Variants in MRPS6 observed in about 807,000 individuals in gnomAD.
The protein encoded by MRPS6 is mitochondrial ribosomal protein S6.
Under a neutral mutation model 13.1 loss-of-function variants are expected in MRPS6, and 6 were observed. That is an observed-to-expected ratio of 0.46 (90% CI 0.25 to 0.91). The LOEUF (loss-of-function observed/expected upper bound fraction) is 0.91. Ranked by LOEUF, MRPS6 falls within the 40% of genes least tolerant of loss-of-function variation. The pLI is 0.18. For synonymous variants in MRPS6, 61 were observed against 56.5 expected, an observed-to-expected ratio of 1.08 and a Z score of -0.36; for missense variants, 164 against 155.6, an observed-to-expected ratio of 1.05 and a Z score of -0.29.
rs748506813 is a variant in MRPS6 at position 34,096,088 on chromosome 21, G to T, written c.45+22343G>T. 4 of 1,614,064 alleles carry T rather than the reference G, an allele frequency of 2.5e-6. No individual in the cohort carries two copies. The highest frequency in any genetic ancestry group is 3.4e-6 in the Non-Finnish European group (4 of 1,179,982). ...GCCAAAAACATTGCTCATGCCAAAG[G>T]CTCTACTCTTATGGCTGGCTTCTTA... On this transcript the variant is annotated intron_variant, in intron 1 of 2. Transcript: ENST00000399312. The surrounding 1 kb of genome is among the most constrained non-coding windows in gnomAD (Gnocchi z 5.9).
chr21:34,074,329 TA>T (rs991387476), intron 1 of MRPS6, among the ~76,000 whole-genome samples: 1 of 151,740 alleles, frequency 6.6e-6, no homozygotes, highest in South Asian at 2.1e-4. Flanking sequence ...GCTCTCATGT[TA>T]AAAAAAAATC....
At chr21:34,136,427 CG>C in intron 2 of MRPS6, among the ~76,000 whole-genome samples, 1 of 152,186 alleles carries the variant, frequency 6.6e-6, no homozygotes, top group Admixed American at 6.5e-5. Flanking sequence ...GGATTACAGG[CG>C]TGAGCCACCA....
At chr21:34,111,743 C>T (rs1979707344) in intron 1 of MRPS6, among the ~76,000 whole-genome samples, 1 of 152,156 alleles carries the variant, frequency 6.6e-6, no homozygotes, top group Non-Finnish European at 1.5e-5. Context: ...AATTTGGGAT[C>T]TCACTGGCAT....
At chr21:34,132,165 T>C (rs976462752) in intron 2 of MRPS6, among the ~76,000 whole-genome samples, 1 of 152,144 alleles carries the variant, frequency 6.6e-6, no homozygotes, top group African/African-American at 2.4e-5. Flanking sequence ...GAGAGACATC[T>C]TGGTTCCCTG....
chr21:34,136,676 T>C (rs1313502153), intron 2 of MRPS6, among the ~76,000 whole-genome samples: 3 of 152,246 alleles, frequency 2.0e-5, no homozygotes, highest in Admixed American at 6.5e-5. Flanking sequence ...TTTTGAGAGT[T>C]ATTTGTATTC....
chr21:34,104,089 TG>T, intron 1 of MRPS6: 1 of 1,000,074 alleles, frequency 1.0e-6, no homozygotes, highest in Non-Finnish European at 1.2e-6. Context: ...TGATTTTTTT[TG>T]TGTACGTTTG....
chr21:34,104,136 A>G (rs1027217041), intron 1 of MRPS6: 6 of 999,618 alleles, frequency 6.0e-6, no homozygotes, highest in African/African-American at 1.7e-5. Flanking sequence ...TTTTTTTCCT[A>G]TACTTGACTG....
intron 1 of MRPS6, chr21:34,105,381 A>AC: frequency 3.0e-6 from 3 of 999,634 alleles, no homozygotes; most frequent in Non-Finnish European, 3.6e-6. Context: ...CAAGAAGAAA[A>AC]CCAATTCTTT....
chr21:34,120,978 C>A (rs1980097868), intron 1 of MRPS6, among the ~76,000 whole-genome samples: 1 of 152,116 alleles, frequency 6.6e-6, no homozygotes, highest in African/African-American at 2.4e-5. Flanking sequence ...AAGCAAGAGA[C>A]CCTCTTAAAG....
chr21:34,100,820 G>A (rs1187702523), intron 1 of MRPS6: 2 of 1,000,066 alleles, frequency 2.0e-6, no homozygotes, highest in African/African-American at 3.5e-5. Context: ...ATATCATTTG[G>A]TGTGGCCTGT....
intron 1 of MRPS6, chr21:34,095,033 C>A: frequency 2.5e-6 from 2 of 789,150 alleles, no homozygotes; most frequent in Non-Finnish European, 3.8e-6. Context: ...TTATCACAAC[C>A]ACCACCATCA....
At chr21:34,108,821 T>C (rs1487362197) in intron 1 of MRPS6, among the ~76,000 whole-genome samples, 1 of 152,204 alleles carries the variant, frequency 6.6e-6, no homozygotes. Flanking sequence ...GCCTCTGTGC[T>C]CTAAAATTTC....
chr21:34,108,525 G>C (rs534941760), intron 1 of MRPS6, among the ~76,000 whole-genome samples: 1 of 152,268 alleles, frequency 6.6e-6, no homozygotes, highest in East Asian at 1.9e-4. Context: ...GTTGCTAACT[G>C]TGCACATCTA....
At chr21:34,116,178 T>TGTG (rs1979892869) in intron 1 of MRPS6, among the ~76,000 whole-genome samples, 60 of 141,384 alleles carry the variant, frequency 4.2e-4, no homozygotes, top group African/African-American at 1.3e-3. Context: ...CCAGCTAATT[T>TGTG]TGTGTGTGTG....
chr21:34,114,150 A>G (rs1979813515), intron 1 of MRPS6, among the ~76,000 whole-genome samples: 1 of 152,188 alleles, frequency 6.6e-6, no homozygotes, highest in African/African-American at 2.4e-5. Flanking sequence ...TAGAAATGGA[A>G]ACCTCTCAGC....
chr21:34,100,568 G>C, intron 1 of MRPS6: 1 of 1,000,230 alleles, frequency 1.0e-6, no homozygotes, highest in Non-Finnish European at 1.2e-6. Context: ...GGCACAAAGA[G>C]CCTGGCCAGG....
chr21:34,109,386 A>G (rs968711948), intron 1 of MRPS6, among the ~76,000 whole-genome samples: 2 of 152,212 alleles, frequency 1.3e-5, no homozygotes, highest in African/African-American at 2.4e-5. Context: ...GAATAAGTCA[A>G]GCTTTCCAAA....
At chr21:34,127,696 C>T (rs1329661546) in intron 2 of MRPS6, among the ~76,000 whole-genome samples, 2 of 152,324 alleles carry the variant, frequency 1.3e-5, no homozygotes, top group South Asian at 4.1e-4. Flanking sequence ...CTCTTGGCTT[C>T]AGGCAGTGGC....
rs1245870285 is a variant in MRPS6, at chr21:34,096,561, T to C, written c.45+22816T>C. On this transcript the variant is annotated intron_variant, in intron 1 of 2. Transcript: ENST00000399312. The surrounding 1 kb of genome is among the most constrained non-coding windows in gnomAD (Gnocchi z 5.9). ...TTACCTGACACCCCCAGTGGCAGCC[T>C]TGTTCCTGCTGGCAATTTTCTGGAA... 2 of 1,614,126 alleles carry C rather than the reference T, an allele frequency of 1.2e-6. No individual in the cohort carries two copies. Among genetic ancestry groups the C allele is most frequent in the South Asian group, 1.1e-5 (1 of 91,078 alleles).
Sources: gnomAD v4.1 joint callset for allele counts (sites outside exome capture counted in the v4.1 genomes callset) on GRCh38, gnomAD v4.1.1 for gene constraint, Gnocchi (gnomAD v3.1) non-coding constraint, MANE v1.5 for transcripts, NCBI Gene and HGNC (gene_info 2026-07-23, HGNC 2026-07-21) for gene names.